Variants in CTNNB1 observed in about 807,000 individuals in gnomAD.
CTNNB1 encodes catenin beta-1.
CTNNB1 carries 6 observed loss-of-function variants against 82.5 expected under a neutral mutation model. The ratio of observed to expected loss-of-function variants is 0.07; its 90% CI spans 0.04 to 0.14. The LOEUF is 0.14. Among genes scored for constraint, CTNNB1 ranks in the 10% least tolerant of loss-of-function variants. The probability of loss-of-function intolerance (pLI) is 1.00; values close to 1 mark genes in which losing one functional copy is unlikely to be tolerated. For missense variants in CTNNB1, 529 were observed against 980.4 expected, an observed-to-expected ratio of 0.54 and a Z score of 6.15; for synonymous variants, 312 against 329.7, an observed-to-expected ratio of 0.95 and a Z score of 0.58.
intron 1 of CTNNB1, among the ~76,000 whole-genome samples, chr3:41,206,481 T>C (rs1457175391): frequency 6.6e-6 from 1 of 152,192 alleles, no homozygotes; most frequent in African/African-American, 2.4e-5. Flanking sequence ...AAGTTAAATT[T>C]ACTGCAAAAT....
At chr3:41,227,474 C>T (rs1014749137) in intron 7 of CTNNB1, 122 bp downstream of exon 7, 9 of 1,030,768 alleles carry the variant, frequency 8.7e-6, no homozygotes, top group African/African-American at 1.6e-5. Context: ...ATTCAGTTTG[C>T]AGCCAAGATT....
chr3:41,234,318 A>G (rs1395208907), intron 10 of CTNNB1, 21 bp downstream of exon 10: 2 of 1,613,544 alleles, frequency 1.2e-6, no homozygotes, highest in Non-Finnish European at 8.5e-7. Context: ...TCTTACAGTG[A>G]TACCTGGCTA....
At chr3:41,221,264 T>C (rs1479026809) in intron 1 of CTNNB1, 1 of 152,172 alleles carries the variant, frequency 6.6e-6, no homozygotes, top group Non-Finnish European at 1.5e-5. Context: ...CTATATAGTA[T>C]AGCCTGTTGC....
chr3:41,233,216 C>G, intron 7 of CTNNB1, 125 bp from the exon 8 acceptor site: 1 of 815,034 alleles, frequency 1.2e-6, no homozygotes, highest in Non-Finnish European at 2.1e-6. Context: ...AAATCAAATA[C>G]TTAGGTGAAA....
At chr3:41,203,987 CACTT>C (rs985026377) in intron 1 of CTNNB1, among the ~76,000 whole-genome samples, 9 of 152,060 alleles carry the variant, frequency 5.9e-5, no homozygotes, top group African/African-American at 1.9e-4. Context: ...CGGAAAATGA[CACTT>C]ACCAGTGATT....
At chr3:41,204,482 A>G (rs1217434435) in intron 1 of CTNNB1, among the ~76,000 whole-genome samples, 2 of 152,212 alleles carry the variant, frequency 1.3e-5, no homozygotes, top group Admixed American at 6.5e-5. Flanking sequence ...ACTACATTGT[A>G]GTGGGAATGG....
chr3:41,209,024 C>A (rs2077715494), intron 1 of CTNNB1, among the ~76,000 whole-genome samples: 1 of 152,204 alleles, frequency 6.6e-6, no homozygotes, highest in African/African-American at 2.4e-5. Context: ...TTGTAGTTGT[C>A]ATCTCACTTA....
chr3:41,224,118 C>T (rs1575314477), intron 2 of CTNNB1, 37 bp downstream of exon 2: 2 of 1,612,714 alleles, frequency 1.2e-6, no homozygotes. Context: ...TGAATTGGGG[C>T]TCTGCTTCGT....
At chr3:41,233,091 G>A (rs2078348768) in intron 7 of CTNNB1, 1 of 582,040 alleles carries the variant, frequency 1.7e-6, no homozygotes, top group African/African-American at 1.9e-5. Context: ...GGACAGTGGA[G>A]ATAACAAAGG....
chr3:41,233,052 A>C (rs1331701471), intron 7 of CTNNB1: 1 of 506,274 alleles, frequency 2.0e-6, no homozygotes, highest in Non-Finnish European at 3.6e-6. Flanking sequence ...GGATGAAAAG[A>C]AATGAGTAAT....
At chr3:41,219,704 T>C (rs1575307274) in intron 1 of CTNNB1, among the ~76,000 whole-genome samples, 1 of 152,218 alleles carries the variant, frequency 6.6e-6, no homozygotes. Context: ...CTGTGAAAAT[T>C]ATCTCAGTTT....
intron 7 of CTNNB1, among the ~76,000 whole-genome samples, chr3:41,231,340 A>G (rs1321776069): frequency 6.6e-6 from 1 of 150,812 alleles, no homozygotes; most frequent in East Asian, 1.9e-4. Context: ...AAAAAAAAAA[A>G]GGGAAAGAGA....
At chr3:41,203,085 C>G (rs1352087952) in intron 1 of CTNNB1, among the ~76,000 whole-genome samples, 1 of 144,388 alleles carries the variant, frequency 6.9e-6, no homozygotes, top group Non-Finnish European at 1.5e-5. Flanking sequence ...TGTTAAGAGA[C>G]ATTCCCCACT....
Position 41,236,601 on chromosome 3 carries a change from T to C in CTNNB1, c.1968T>C (p.Ala656=). 6.2e-7 allele frequency: 1 copy of C among 1,614,208 alleles called. No homozygotes were observed. Among genetic ancestry groups the C allele is most frequent in the South Asian group, 1.1e-5 (1 of 91,084 alleles). Residue 656 remains alanine, a synonymous_variant, in exon 13 of 15, where the codon GCT becomes GCC. Transcript: ENST00000349496. ...SRNEGVATYA[A]AVLFRMSEDK... ...CTTGTCTCTTAGCGACATATGCAGC[T>C]GCTGTTTTGTTCCGAATGTCTGAGG...
chr3:41,225,612 A>G lies in CTNNB1; in HGVS notation c.734+40A>G, dbSNP rs755950749. 5 of 1,613,864 alleles carry G rather than the reference A, an allele frequency of 3.1e-6. No homozygotes were observed. The South Asian group carries it at 5.5e-5, about 18-fold the overall frequency. The stretch of plus-strand genomic sequence containing the variant: ...CAGAATGCTTGAAGCTAAAAAGTAG[A>G]AGAGTATACTCACAATATTTCTGAT... On this transcript the variant is annotated intron_variant, in intron 5 of 14. Coordinates refer to ENST00000349496, the MANE Select transcript of CTNNB1 (RefSeq NM_001904.4). This position sits in a 1 kb window ranked among gnomAD's most constrained non-coding sequence, Gnocchi z 5.3.
At chr3:41,234,796 G>T in intron 10 of CTNNB1, 1 of 166,816 alleles carries the variant, frequency 6.0e-6, no homozygotes, top group East Asian at 1.7e-4. Flanking sequence ...TCAACCTGAA[G>T]CTTTGATACA....
rs201692300 is a variant in CTNNB1, at chr3:41,225,873, A to T, written c.936+12A>T. 3 of 1,607,780 alleles carry T rather than the reference A, an allele frequency of 1.9e-6. No homozygotes were observed. The highest frequency in any genetic ancestry group is 1.9e-4 in the Middle Eastern group (1 of 5,248). On this transcript the variant is annotated intron_variant, in intron 6 of 14. Coordinates refer to ENST00000349496, the MANE Select transcript of CTNNB1 (RefSeq NM_001904.4). This position sits in a 1 kb window ranked among gnomAD's most constrained non-coding sequence, Gnocchi z 5.3. ...ACCAAGAAAGCAAGGTAAGAGAATT[A>T]TTCTTTATGTGGTTTTCATGGAGCA... is the stretch of plus-strand genomic sequence containing the variant.
intron 13 of CTNNB1, chr3:41,237,799 A>G: frequency 1.8e-6 from 1 of 561,124 alleles, no homozygotes; most frequent in Non-Finnish European, 3.2e-6. Flanking sequence ...TGAAAGAACA[A>G]GTCAGTGAGT....
intron 1 of CTNNB1, among the ~76,000 whole-genome samples, chr3:41,223,213 A>G (rs2078092495): frequency 6.6e-6 from 1 of 152,218 alleles, no homozygotes. Context: ...AGAAATATCT[A>G]GAGGCCATGA....
Sources: gnomAD v4.1 joint callset for allele counts (sites outside exome capture counted in the v4.1 genomes callset) on GRCh38, gnomAD v4.1.1 for gene constraint, Gnocchi (gnomAD v3.1) non-coding constraint, MANE v1.5 for transcripts, NCBI Gene and HGNC (gene_info 2026-07-23, HGNC 2026-07-21) for gene names.